Variants in SLC9C2 observed in about 807,000 individuals in gnomAD.
The protein encoded by SLC9C2 is solute carrier family 9 member C2 (putative).
In SLC9C2, 75 loss-of-function variants were observed where a neutral mutation model predicts 140.2. The observed-to-expected ratio is 0.53, with a 90% CI of 0.44 to 0.65. The LOEUF (loss-of-function observed/expected upper bound fraction) is 0.65. Among genes scored for constraint, SLC9C2 ranks in the 30% least tolerant of loss-of-function variants. SLC9C2 has a pLI of 0.00. For missense variants in SLC9C2, 1,074 were observed against 1,331.8 expected (o/e 0.81, Z 3.01); for synonymous variants, 375 against 420.9 (o/e 0.89, Z 1.34).
chr1:173,600,406 G>A (rs553785563), intron 2 of SLC9C2, among the ~76,000 whole-genome samples, 189 bp from the exon 3 acceptor site: 8 of 151,518 alleles, frequency 5.3e-5, no homozygotes, highest in South Asian at 2.1e-4. Context: ...TTGAGTACTC[G>A]TACAACTATT....
At chr1:173,502,068 T>A (rs945945596) in intron 27 of SLC9C2, among the ~76,000 whole-genome samples, 2 of 151,816 alleles carry the variant, frequency 1.3e-5, no homozygotes, top group Non-Finnish European at 2.9e-5. Context: ...GGTCAGGAGA[T>A]CGAGACCATC....
intron 13 of SLC9C2, among the ~76,000 whole-genome samples, chr1:173,544,704 G>A (rs1465081779): frequency 6.6e-6 from 1 of 152,154 alleles, no homozygotes; most frequent in Non-Finnish European, 1.5e-5. Flanking sequence ...CATGTCCTTT[G>A]TAGGGACATG....
intron 6 of SLC9C2, among the ~76,000 whole-genome samples, chr1:173,583,093 C>T (rs1239049153): frequency 1.3e-5 from 2 of 152,142 alleles, no homozygotes; most frequent in Non-Finnish European, 2.9e-5. Flanking sequence ...CCAGGAACCC[C>T]TTTGGATACC....
chr1:173,587,711 A>C lies in SLC9C2; in HGVS notation c.477T>G (p.Leu159=). 1.2e-6 allele frequency: 2 copies of C among 1,613,562 alleles called. No individual in the cohort carries two copies. Among genetic ancestry groups the C allele is most frequent in the Non-Finnish European group, 1.7e-6 (2 of 1,179,724 alleles). ...CAGAACGAAGAGGATCTATAATGCC[A>C]AGGGTGATGCTAAAGAGTAGGCAAG... The part of the protein sequence containing the change: ...LQSCLLFSIT[L]GIIDPLRSVN... Residue 159 remains leucine, a synonymous_variant, in exon 5 of 28, where the codon CTT becomes CTG. Coordinates refer to ENST00000367714, the MANE Select transcript of SLC9C2 (RefSeq NM_178527.4).
In SLC9C2 at chr1:173,505,343, A is replaced by G. The variant is rs10912627; in HGVS notation, c.3226-12T>C. 0.012 allele frequency: 19,235 copies of G among 1,607,650 alleles called. 1,744 individuals are homozygous for G. In the African/African-American group the frequency reaches 0.21, roughly 17 times the overall value. On this transcript the variant is annotated splice_polypyrimidine_tract_variant and intron_variant, in intron 25 of 27. Coordinates refer to ENST00000367714, the MANE Select transcript of SLC9C2 (RefSeq NM_178527.4). Reference sequence around the variant, plus strand: ...GAAGTTCCCTGAACCTAGAGGAGAAAAGTCAAAATTAGTCAAAAGAGCATT... The same window carrying G: ...GAAGTTCCCTGAACCTAGAGGAGAAGAGTCAAAATTAGTCAAAAGAGCATT...
At chr1:173,503,876 C>T (rs781769980) in intron 26 of SLC9C2, among the ~76,000 whole-genome samples, 2 of 152,168 alleles carry the variant, frequency 1.3e-5, no homozygotes, top group Non-Finnish European at 2.9e-5. Context: ...ATGAGGAATA[C>T]AAAGTGATGT....
At chr1:173,515,987 T>C (rs998045849) in intron 23 of SLC9C2, among the ~76,000 whole-genome samples, 1 of 152,184 alleles carries the variant, frequency 6.6e-6, no homozygotes, top group Non-Finnish European at 1.5e-5. Flanking sequence ...CTCCCACACC[T>C]GGAGATGTCA....
rs1244596042 is a variant in SLC9C2, at chr1:173,501,057, T to C, written c.*37A>G. On this transcript the variant is annotated 3_prime_UTR_variant, in exon 28 of 28. Coordinates refer to ENST00000367714, the MANE Select transcript of SLC9C2 (RefSeq NM_178527.4). ...AACCTGACTCCACACATCATATTTG[T>C]ATCATTAATACCCTTTTCTAAAATG... 2.0e-6 allele frequency: 3 copies of C among 1,509,118 alleles called. No homozygotes were observed. The highest frequency in any genetic ancestry group is 2.8e-5 in the South Asian group (2 of 72,712). The allele number at this position is 1,509,118 out of a possible 1,614,324, so 93.5% of individuals were successfully genotyped here. A position where few individuals can be genotyped will look rare whatever the true frequency, so the allele number is the denominator to read the frequency against.
rs777650022 is a variant in SLC9C2, at chr1:173,535,934, A to G, written c.1671T>C (p.Tyr557=). 3 of 1,503,686 alleles carry G rather than the reference A, an allele frequency of 2.0e-6. No homozygotes were observed. Among genetic ancestry groups the G allele is most frequent in the South Asian group, 1.2e-5 (1 of 82,878 alleles). The allele number at this position is 1,503,686 out of a possible 1,614,324, so 93.1% of individuals were successfully genotyped here. The change falls in exon 15 of 28, where the codon TAT becomes TAC. Residue 557 remains tyrosine, a synonymous_variant. Transcript: ENST00000367714. The part of the protein sequence containing the change: ...YSIQGKFMSI[Y]DVSTYMRTRS... Reference sequence around the variant, plus strand: ...TAGTTCTCATATAAGTTGAAACATCATAAATACTCATGAATCTAACAGAGA... The same window carrying G: ...TAGTTCTCATATAAGTTGAAACATCGTAAATACTCATGAATCTAACAGAGA...
At position 173,505,012 on chromosome 1, in the gene SLC9C2, A is replaced by G. The variant is rs190636165; in HGVS notation, c.3310+235T>C. Reference sequence around the variant, plus strand: ...TTGCAGAAGCTGCTCTCCCCTGACTAGTGTATGGAGGGAGGGACATGGCAG... The same window carrying G: ...TTGCAGAAGCTGCTCTCCCCTGACTGGTGTATGGAGGGAGGGACATGGCAG... On this transcript the variant is annotated intron_variant, in intron 26 of 27. Coordinates refer to ENST00000367714, the MANE Select transcript of SLC9C2 (RefSeq NM_178527.4). 9.3e-4 allele frequency among the ~76,000 whole-genome samples: 141 copies of G among 152,170 alleles called. 1 individual carries two copies. Among genetic ancestry groups the G allele is most frequent in the African/African-American group, 3.0e-3 (126 of 41,492 alleles).
Position 173,581,914 on chromosome 1 carries a change from G to A in SLC9C2, c.735C>T (p.Asp245=), listed in dbSNP as rs192421938. 4.3e-4 allele frequency: 691 copies of A among 1,606,602 alleles called. No homozygotes were observed. Among genetic ancestry groups the A allele is most frequent in the Non-Finnish European group, 5.3e-4 (617 of 1,175,216 alleles). ...TATTAGTCAGCATATTGCTAAAAAC[G>A]TCAGCCAATATACACTGAATGATTT... ...CAKIIQCILA[D]VFSNMLTNII... Residue 245 remains aspartate (D), a synonymous_variant, in exon 7 of 28, where the codon GAC becomes GAT. Coordinates refer to ENST00000367714, the MANE Select transcript of SLC9C2 (RefSeq NM_178527.4).
intron 23 of SLC9C2, among the ~76,000 whole-genome samples, chr1:173,511,611 G>C (rs375258783): frequency 6.6e-6 from 1 of 152,132 alleles, no homozygotes; most frequent in African/African-American, 2.4e-5. Context: ...TAGGCTGCCT[G>C]TTCACTCTAA....
At chr1:173,557,269 G>T in intron 10 of SLC9C2, 71 bp downstream of exon 10, 1 of 1,431,290 alleles carries the variant, frequency 7.0e-7, no homozygotes, top group South Asian at 1.3e-5. Flanking sequence ...TTATTACTGG[G>T]TTCTCTGACA....
chr1:173,517,152 T>A (rs943039100), intron 23 of SLC9C2, among the ~76,000 whole-genome samples: 92 of 152,360 alleles, frequency 6.0e-4, no homozygotes, highest in African/African-American at 2.1e-3. Flanking sequence ...GCCCACTTTT[T>A]AATGGAGTTG....
intron 9 of SLC9C2, among the ~76,000 whole-genome samples, chr1:173,568,375 TGTA>T (rs1316606067): frequency 6.6e-6 from 1 of 150,444 alleles, no homozygotes; most frequent in Non-Finnish European, 1.5e-5. Flanking sequence ...AGTTATAACA[TGTA>T]GTGTTTGGTT....
At chr1:173,540,170 T>C (rs1375290409) in intron 13 of SLC9C2, among the ~76,000 whole-genome samples, 4 of 151,986 alleles carry the variant, frequency 2.6e-5, no homozygotes, top group Non-Finnish European at 5.9e-5. Context: ...GAATAGGCCA[T>C]AGAGGGGAGA....
chr1:173,602,452 AAAAT>A (rs1338550671), intron 1 of SLC9C2, among the ~76,000 whole-genome samples: 1 of 152,192 alleles, frequency 6.6e-6, no homozygotes, highest in Admixed American at 6.5e-5. Context: ...GAATAACCTG[AAAAT>A]AAAGGAAAAG....
At chr1:173,569,768 A>G (rs943159827) in intron 9 of SLC9C2, among the ~76,000 whole-genome samples, 20 of 152,190 alleles carry the variant, frequency 1.3e-4, no homozygotes, top group African/African-American at 4.8e-4. Context: ...TGGGCAACAC[A>G]GCAAGACCCT....
chr1:173,581,697 A>G, intron 7 of SLC9C2, 150 bp downstream of exon 7: 1 of 518,034 alleles, frequency 1.9e-6, no homozygotes, highest in Non-Finnish European at 3.3e-6. Flanking sequence ...AAAGACCAGG[A>G]AAGAGCTAGA....
Sources: allele counts gnomAD v4.1 joint callset (sites outside exome capture counted in the v4.1 genomes callset), GRCh38; gene constraint gnomAD v4.1.1; transcripts MANE v1.5; gene names NCBI Gene and HGNC (gene_info 2026-07-23, HGNC 2026-07-21).